Variants in PCCA observed in about 807,000 individuals in gnomAD.
PCCA encodes propionyl-CoA carboxylase alpha chain, mitochondrial.
Under a neutral mutation model 101.3 loss-of-function variants are expected in PCCA, and 74 were observed. That is an observed-to-expected ratio of 0.73 (90% CI 0.61 to 0.89). The LOEUF (loss-of-function observed/expected upper bound fraction) is 0.89. Among genes scored for constraint, PCCA ranks in the 40% least tolerant of loss-of-function variants. The pLI, the probability that PCCA is intolerant of heterozygous loss-of-function variation, is 0.00. For missense variants in PCCA, 891 were observed against 907.0 expected (o/e 0.98, Z 0.23); for synonymous variants, 294 against 313.6 (o/e 0.94, Z 0.66).
At position 100,115,003 on chromosome 13, in the gene PCCA, A is replaced by C. The variant is rs985150889; in HGVS notation, c.300+2942A>C. Among the ~76,000 whole-genome samples the C allele has an allele frequency of 2.6e-5, 4 of 152,320 alleles. No individual in the cohort carries two copies. In the South Asian group the frequency reaches 8.3e-4, roughly 32 times the overall value. On this transcript the variant is annotated intron_variant, in intron 4 of 23. Transcript: ENST00000376285. ...CCATGTTTATTGTAGCATTTTTCAC[A>C]ATAGCCAAGATTTGGAGGCAACTTA... is the stretch of plus-strand genomic sequence containing the variant.
At chr13:100,258,429 T>A (rs997037342) in intron 9 of PCCA, among the ~76,000 whole-genome samples, 1 of 152,264 alleles carries the variant, frequency 6.6e-6, no homozygotes, top group African/African-American at 2.4e-5. Flanking sequence ...AATGGTATCA[T>A]AAAGAAGTCG....
intron 16 of PCCA, among the ~76,000 whole-genome samples, chr13:100,310,320 A>G (rs1273022400): frequency 2.6e-5 from 4 of 152,218 alleles, no homozygotes; most frequent in African/African-American, 9.6e-5. Context: ...TGGGAAGATT[A>G]TTCCTGGAAG....
chr13:100,317,214 C>G lies in PCCA; in HGVS notation c.1429+7306C>G, dbSNP rs550428258. On this transcript the variant is annotated intron_variant, in intron 16 of 23. Coordinates refer to ENST00000376285, the MANE Select transcript of PCCA (RefSeq NM_000282.4). ...ATTGTTGATGTACCTTGGTCTAATA[C>G]CTTTCATCCCTTCCAGTCCCTCCCT... Among the ~76,000 whole-genome samples, 6 of 152,126 alleles carry G rather than the reference C, an allele frequency of 3.9e-5. No individual in the cohort carries two copies. The South Asian group carries it at 1.2e-3, about 32-fold the overall frequency.
At chr13:100,207,017 C>A (rs910691598) in intron 6 of PCCA, among the ~76,000 whole-genome samples, 7 of 152,178 alleles carry the variant, frequency 4.6e-5, no homozygotes, top group African/African-American at 1.7e-4. Flanking sequence ...TTAACTGTTT[C>A]TTTGGATTTT....
chr13:100,150,773 C>T (rs2053214618), intron 4 of PCCA: 3 of 1,587,642 alleles, frequency 1.9e-6, no homozygotes, highest in African/African-American at 2.7e-5. Context: ...CCCACAGTGG[C>T]GTCCAGCTTG....
At chr13:100,391,322 A>G (rs1434197377) in intron 19 of PCCA, among the ~76,000 whole-genome samples, 3 of 152,168 alleles carry the variant, frequency 2.0e-5, no homozygotes, top group Non-Finnish European at 4.4e-5. Flanking sequence ...AGATGAAGGG[A>G]GAGTTGGTGA....
intron 6 of PCCA, among the ~76,000 whole-genome samples, chr13:100,175,287 T>G (rs578024571): frequency 2.0e-5 from 3 of 152,356 alleles, no homozygotes; most frequent in African/African-American, 7.2e-5. Context: ...CCCCCAAACC[T>G]TAGATCCTAT....
rs139585619 is a variant in PCCA, at chr13:100,128,853, C to G, written c.300+16792C>G. ...TCTGTGGCCCTCCTCTGTGTCCCCTCTACAGGAATCACTCAAGGTTTGATT... is the reference window on the plus strand; with the variant it reads ...TCTGTGGCCCTCCTCTGTGTCCCCTGTACAGGAATCACTCAAGGTTTGATT... On this transcript the variant is annotated intron_variant, in intron 4 of 23. Coordinates refer to ENST00000376285, the MANE Select transcript of PCCA (RefSeq NM_000282.4). Among the ~76,000 whole-genome samples the G allele has an allele frequency of 3.3e-5, 5 of 152,296 alleles. No homozygotes were observed. The East Asian group carries it at 9.6e-4, about 29-fold the overall frequency.
intron 21 of PCCA, among the ~76,000 whole-genome samples, chr13:100,458,385 C>T (rs1220515704): frequency 2.2e-5 from 3 of 139,246 alleles, no homozygotes; most frequent in Non-Finnish European, 4.6e-5. Flanking sequence ...CACACACACA[C>T]ACGCACATAT....
At chr13:100,480,350 A>T (rs2083793213) in intron 21 of PCCA, 1 of 152,124 alleles carries the variant, frequency 6.6e-6, no homozygotes, top group South Asian at 2.1e-4. Context: ...CATGATAGTC[A>T]CCTCCTCATT....
chr13:100,096,544 G>C (rs2046793100), intron 1 of PCCA, among the ~76,000 whole-genome samples: 1 of 152,122 alleles, frequency 6.6e-6, no homozygotes, highest in Non-Finnish European at 1.5e-5. Context: ...CTCTCACTTT[G>C]AATCAAAAAC....
chr13:100,412,703 G>T (rs2078129702), intron 19 of PCCA, among the ~76,000 whole-genome samples: 1 of 152,148 alleles, frequency 6.6e-6, no homozygotes, highest in African/African-American at 2.4e-5. Context: ...TCCTTGAGAT[G>T]TAATGGGCAC....
chr13:100,276,615 C>G (rs1249565074), intron 12 of PCCA, among the ~76,000 whole-genome samples: 1 of 151,984 alleles, frequency 6.6e-6, no homozygotes, highest in Non-Finnish European at 1.5e-5. Flanking sequence ...TGATATTTTT[C>G]ATCTTTTTTG....
intron 21 of PCCA, among the ~76,000 whole-genome samples, chr13:100,496,873 A>G (rs1594007858): frequency 1.3e-5 from 2 of 152,192 alleles, no homozygotes; most frequent in African/African-American, 2.4e-5. Flanking sequence ...GTAGAAGGAC[A>G]TGATACCATG....
intron 21 of PCCA, among the ~76,000 whole-genome samples, chr13:100,460,389 CT>C (rs961786905): frequency 6.6e-6 from 1 of 152,168 alleles, no homozygotes; most frequent in Admixed American, 6.5e-5. Flanking sequence ...GTGAGACTGA[CT>C]TTTTTTCCCT....
At chr13:100,266,082 G>A (rs1261950004) in intron 10 of PCCA, among the ~76,000 whole-genome samples, 1 of 152,150 alleles carries the variant, frequency 6.6e-6, no homozygotes, top group Non-Finnish European at 1.5e-5. Flanking sequence ...TTGTAAGATC[G>A]TAGGGGCAGA....
intron 21 of PCCA, among the ~76,000 whole-genome samples, chr13:100,501,119 C>G (rs2085635332): frequency 6.6e-6 from 1 of 152,020 alleles, no homozygotes; most frequent in African/African-American, 2.4e-5. Context: ...CCACTGCATT[C>G]CAACCTGAGC....
intron 21 of PCCA, among the ~76,000 whole-genome samples, chr13:100,464,785 C>T (rs2082393536): frequency 6.6e-6 from 1 of 152,118 alleles, no homozygotes; most frequent in South Asian, 2.1e-4. Flanking sequence ...CCAAACTTGA[C>T]CAGGGAAGAA....
intron 12 of PCCA, among the ~76,000 whole-genome samples, chr13:100,277,241 T>G (rs1451350778): frequency 1.3e-5 from 2 of 152,204 alleles, no homozygotes; most frequent in Admixed American, 6.5e-5. Flanking sequence ...TCAAGGTTCT[T>G]TGATAAACTG....
Sources: allele counts gnomAD v4.1 joint callset (sites outside exome capture counted in the v4.1 genomes callset), GRCh38; gene constraint gnomAD v4.1.1; transcripts MANE v1.5; gene names NCBI Gene and HGNC (gene_info 2026-07-23, HGNC 2026-07-21).